Variants in PRELID2 observed in about 807,000 individuals in gnomAD.
PRELID2 encodes PRELI domain containing 2, also known as PRELI domain-containing protein 2.
In PRELID2, 25 loss-of-function variants were observed where a neutral mutation model predicts 28.4. The observed-to-expected ratio is 0.88, with a 90% CI of 0.64 to 1.23. The LOEUF (loss-of-function observed/expected upper bound fraction) is 1.23. PRELID2 is among the 50% of genes most tolerant of loss of function. The pLI is 0.00. For synonymous variants in PRELID2, 76 were observed against 71.6 expected (o/e 1.06, Z -0.31); for missense variants, 201 against 214.4 (o/e 0.94, Z 0.39).
At chr5:145,505,811 T>C (rs921246973) in intron 1 of PRELID2, among the ~76,000 whole-genome samples, 6 of 152,208 alleles carry the variant, frequency 3.9e-5, no homozygotes, top group Non-Finnish European at 8.8e-5. Flanking sequence ...TGGAATATTA[T>C]TCAGCCTTAA....
At chr5:145,315,397 G>A in the PRELID2 span, among the ~76,000 whole-genome samples, 8 of 152,102 alleles carry the variant, frequency 5.3e-5, no homozygotes, top group South Asian at 2.1e-4. Flanking sequence ...TTATACTTAT[G>A]CATATGGACA....
chr5:145,793,818 G>A (rs976929843), intron 5 of PRELID2, among the ~76,000 whole-genome samples: 1 of 152,086 alleles, frequency 6.6e-6, no homozygotes, highest in Non-Finnish European at 1.5e-5. Flanking sequence ...TAAGAATTAA[G>A]GTGAATGAAA....
intron 1 of PRELID2, among the ~76,000 whole-genome samples, chr5:145,642,935 G>C (rs1754132435): frequency 6.6e-6 from 1 of 152,192 alleles, no homozygotes. Flanking sequence ...AGTATAGTTT[G>C]AAGCAAGGTA....
rs1329086241 is a variant in PRELID2, at chr5:145,758,904, A to G, written c.*1632T>C. 6.6e-6 allele frequency: 1 copy of G among 151,804 alleles called. No individual in the cohort carries two copies. The highest frequency in any genetic ancestry group is 6.6e-5 in the Admixed American group (1 of 15,226). 9.4% of individuals were successfully genotyped at this position (151,804 alleles called of 1,614,324 possible). A position where few individuals can be genotyped will look rare whatever the true frequency, so the allele number is the denominator to read the frequency against. The stretch of plus-strand genomic sequence containing the variant: ...TGGCAGGCTTGTATGAAAAAATACA[A>G]TTGCTTTGAAATTCATCAATGGATT... On this transcript the variant is annotated 3_prime_UTR_variant, in exon 7 of 7. Coordinates refer to ENST00000683046, the MANE Select transcript of PRELID2 (RefSeq NM_205846.3).
chr5:145,662,912 C>G (rs778589413), intron 1 of PRELID2, among the ~76,000 whole-genome samples: 15 of 152,084 alleles, frequency 9.9e-5, no homozygotes, highest in Non-Finnish European at 4.4e-5. Context: ...AGAAGACAGA[C>G]CAAGACAGTC....
At chr5:145,509,612 G>GTTTTTT (rs1458530067) in intron 1 of PRELID2, among the ~76,000 whole-genome samples, 4 of 152,184 alleles carry the variant, frequency 2.6e-5, no homozygotes, top group African/African-American at 9.7e-5. Flanking sequence ...GATTCACAAA[G>GTTTTTT]TGCACAGTCA....
the PRELID2 span, among the ~76,000 whole-genome samples, chr5:145,434,963 G>A: frequency 2.5e-3 from 374 of 152,258 alleles, 2 homozygotes; most frequent in African/African-American, 8.4e-3. Context: ...TTATTTTACT[G>A]CTAAGAGTCC....
At chr5:145,808,697 A>G (rs1753715737) in intron 4 of PRELID2, among the ~76,000 whole-genome samples, 1 of 151,990 alleles carries the variant, frequency 6.6e-6, no homozygotes, top group Admixed American at 6.6e-5. Flanking sequence ...CCGGCTGGAC[A>G]ACACAGTGAC....
chr5:145,642,973 G>T (rs1344113182), intron 1 of PRELID2, among the ~76,000 whole-genome samples: 3 of 152,138 alleles, frequency 2.0e-5, no homozygotes, highest in African/African-American at 7.2e-5. Flanking sequence ...TTGTTCTTTT[G>T]GCTTAGGATT....
At chr5:145,790,179 A>G (rs532828744) in intron 5 of PRELID2, among the ~76,000 whole-genome samples, 1 of 152,310 alleles carries the variant, frequency 6.6e-6, no homozygotes, top group African/African-American at 2.4e-5. Flanking sequence ...CAGTATGTCA[A>G]AGAGACAGCT....
rs1238577547 is a variant in PRELID2 at position 145,759,175 on chromosome 5, G to T, written c.*1361C>A. ...GCCACCACGCCCAGCTAATTTTTTTGTATTTTTAGTAGAGACGGGGTTTCA... is the reference window on the plus strand; with the variant it reads ...GCCACCACGCCCAGCTAATTTTTTTTTATTTTTAGTAGAGACGGGGTTTCA... On this transcript the variant is annotated 3_prime_UTR_variant, in exon 7 of 7. Coordinates refer to ENST00000683046, the MANE Select transcript of PRELID2 (RefSeq NM_205846.3). 1 of 151,652 alleles carries T rather than the reference G, an allele frequency of 6.6e-6. No individual in the cohort carries two copies. The highest frequency in any genetic ancestry group is 1.5e-5 in the Non-Finnish European group (1 of 67,956). 9.4% of individuals were successfully genotyped at this position (151,652 alleles called of 1,614,324 possible).
At chr5:145,703,119 A>G (rs1755452614) in intron 1 of PRELID2, among the ~76,000 whole-genome samples, 1 of 152,226 alleles carries the variant, frequency 6.6e-6, no homozygotes, top group Non-Finnish European at 1.5e-5. Flanking sequence ...AGTGTCAAGT[A>G]TACTAAGTCT....
chr5:145,233,835 A>G, the PRELID2 span, among the ~76,000 whole-genome samples: 2 of 152,320 alleles, frequency 1.3e-5, no homozygotes, highest in African/African-American at 4.8e-5. Context: ...AGCATTATGT[A>G]TAATTAATAA....
chr5:145,319,264 T>C, the PRELID2 span, among the ~76,000 whole-genome samples: 2 of 152,152 alleles, frequency 1.3e-5, no homozygotes, highest in Admixed American at 1.3e-4. Context: ...CCTGTCCATA[T>C]CACTAAAAGG....
intron 5 of PRELID2, among the ~76,000 whole-genome samples, chr5:145,777,677 C>T (rs564145836): frequency 1.3e-4 from 20 of 152,292 alleles, no homozygotes; most frequent in South Asian, 4.1e-4. Flanking sequence ...CGCCTGCCTG[C>T]GCGCAGCTAC....
intron 1 of PRELID2, among the ~76,000 whole-genome samples, chr5:145,561,580 C>T (rs1254915936): frequency 3.3e-5 from 5 of 152,114 alleles, no homozygotes; most frequent in Non-Finnish European, 5.9e-5. Context: ...TCATTGAGTC[C>T]ATGCATGTCC....
At chr5:145,504,995 CAT>C (rs1352690209) in intron 1 of PRELID2, among the ~76,000 whole-genome samples, 4 of 152,122 alleles carry the variant, frequency 2.6e-5, no homozygotes, top group African/African-American at 9.7e-5. Flanking sequence ...TCTGTCTTCA[CAT>C]ACTTAAGCAA....
intron 1 of PRELID2, among the ~76,000 whole-genome samples, chr5:145,740,594 TATATATATATTATATATATAA>T (rs1256819937): frequency 1.0e-3 from 2 of 1,930 alleles, no homozygotes; most frequent in African/African-American, 1.8e-3. Context: ...TATATATAAA[TATATATATATTATATATATAA>T]ATATATATAT....
At chr5:145,668,260 C>G (rs1754635908) in intron 1 of PRELID2, among the ~76,000 whole-genome samples, 1 of 151,974 alleles carries the variant, frequency 6.6e-6, no homozygotes, top group Non-Finnish European at 1.5e-5. Context: ...AAGATTCTGT[C>G]TCCAGTAACC....
Sources: allele counts gnomAD v4.1 joint callset (sites outside exome capture counted in the v4.1 genomes callset), GRCh38; gene constraint gnomAD v4.1.1; transcripts MANE v1.5; gene names NCBI Gene and HGNC (gene_info 2026-07-23, HGNC 2026-07-21).